The following PLEKHH2 variants were observed in gnomAD, a reference collection of about 807,000 sequenced individuals.
The protein encoded by PLEKHH2 is pleckstrin homology domain-containing family H member 2.
Under a neutral mutation model 187.9 loss-of-function variants are expected in PLEKHH2, and 129 were observed. The observed-to-expected ratio is 0.69, with a 90% confidence interval of 0.59 to 0.79. PLEKHH2 has a LOEUF of 0.79. Among genes scored for constraint, PLEKHH2 ranks in the 30% least tolerant of loss-of-function variants. PLEKHH2 has a pLI of 0.00. For synonymous variants in PLEKHH2, 686 were observed against 605.6 expected (o/e 1.13, Z -1.95); for missense variants, 2,076 against 1,751.2 (o/e 1.19, Z -3.31).
intron 28 of PLEKHH2, among the ~76,000 whole-genome samples, chr2:43,762,755 C>T (rs1257194869): frequency 2.0e-5 from 3 of 152,152 alleles, no homozygotes; most frequent in Non-Finnish European, 4.4e-5. Flanking sequence ...AGTTTAAGTT[C>T]ACTTTCACTA....
At position 43,683,225 on chromosome 2, in the gene PLEKHH2, A is replaced by G. The variant is rs1270665876; in HGVS notation, c.186+4300A>G. On this transcript the variant is annotated intron_variant, in intron 3 of 29. Transcript: ENST00000282406. ...CAATGGCACGATCTTGGCTCACCAC[A>G]ACCTCCGCCTCCCACGTTCAAGCCA... Among the ~76,000 whole-genome samples, 7 of 140,324 alleles carry G rather than the reference A, an allele frequency of 5.0e-5. No homozygotes were observed. The East Asian group carries it at 6.1e-4, about 12-fold the overall frequency. 92.1% of individuals were successfully genotyped at this position (140,324 alleles called of 152,430 possible). A position where few individuals can be genotyped will look rare whatever the true frequency, so the allele number is the denominator to read the frequency against.
intron 6 of PLEKHH2, among the ~76,000 whole-genome samples, chr2:43,695,537 C>G (rs4952997): frequency 0.25 from 38,540 of 152,074 alleles, 5,312 homozygotes; most frequent in Middle Eastern, 0.37. Context: ...TTTTTAGAAC[C>G]AAACTAAGTT....
chr2:43,660,454 T>G (rs1574493195), intron 2 of PLEKHH2, among the ~76,000 whole-genome samples: 3 of 144,604 alleles, frequency 2.1e-5, no homozygotes, highest in South Asian at 2.1e-4. Context: ...TTTTTTTTTT[T>G]GCCAATTAAG....
intron 2 of PLEKHH2, among the ~76,000 whole-genome samples, chr2:43,651,074 A>G (rs1458958540): frequency 6.6e-6 from 1 of 152,314 alleles, no homozygotes; most frequent in African/African-American, 2.4e-5. Context: ...TGTAATATAG[A>G]TTGTGAAAAT....
chr2:43,739,407 T>C (rs767372735), intron 20 of PLEKHH2, among the ~76,000 whole-genome samples: 12 of 152,190 alleles, frequency 7.9e-5, no homozygotes, highest in Non-Finnish European at 1.6e-4. Flanking sequence ...GAACACCTGT[T>C]TTTATCTTTG....
chr2:43,752,903 G>T (rs988168646), intron 24 of PLEKHH2, among the ~76,000 whole-genome samples: 1 of 152,140 alleles, frequency 6.6e-6, no homozygotes, highest in East Asian at 1.9e-4. Flanking sequence ...AGCCCCTAAA[G>T]CTGCTTATCA....
intron 1 of PLEKHH2, among the ~76,000 whole-genome samples, chr2:43,640,854 G>A (rs1285058180): frequency 1.3e-5 from 2 of 151,694 alleles, no homozygotes; most frequent in East Asian, 1.9e-4. Flanking sequence ...GTGTGAACAT[G>A]GTTCACTGCA....
chr2:43,743,765 C>A (rs1259798685), intron 22 of PLEKHH2, 69 bp from the exon 23 acceptor site: 2 of 1,405,686 alleles, frequency 1.4e-6, no homozygotes, highest in Admixed American at 3.9e-5. Context: ...TGCTCTGTTT[C>A]ATCCTTAAAA....
Position 43,710,235 on chromosome 2 carries a change from T to G in PLEKHH2, c.2119T>G (p.Ser707Ala). ...TAAAAATTAGGAACCACTGGAAAAA[T>G]CTGGTTATTTATTAAAAATGAGTGG... ...DNGKNEPLEK[S>A]GYLLKMSGKV... The change falls in exon 13 of 30, where the codon TCT becomes GCT. Residue 707 changes from serine (S) to alanine (A), a missense_variant. Coordinates refer to ENST00000282406, the MANE Select transcript of PLEKHH2 (RefSeq NM_172069.4). 1 of 1,613,994 alleles carries G rather than the reference T, an allele frequency of 6.2e-7. No individual in the cohort carries two copies. Among genetic ancestry groups the G allele is most frequent in the Non-Finnish European group, 8.5e-7 (1 of 1,179,952 alleles).
intron 9 of PLEKHH2, among the ~76,000 whole-genome samples, chr2:43,705,149 A>C (rs1382722029): frequency 6.8e-6 from 1 of 146,330 alleles, no homozygotes; most frequent in African/African-American, 2.6e-5. Flanking sequence ...TCTTTCTACC[A>C]CCTCCTCCCT....
intron 19 of PLEKHH2, among the ~76,000 whole-genome samples, chr2:43,733,038 G>A (rs1256629102): frequency 1.3e-5 from 2 of 152,128 alleles, no homozygotes; most frequent in African/African-American, 4.8e-5. Flanking sequence ...GAAAATTAGA[G>A]GACATCAGAC....
intron 2 of PLEKHH2, among the ~76,000 whole-genome samples, chr2:43,649,799 G>A (rs536766664): frequency 3.3e-5 from 5 of 152,318 alleles, no homozygotes; most frequent in Admixed American, 6.5e-5. Context: ...TGGGGGAAAA[G>A]TCAGGAAGAG....
intron 2 of PLEKHH2, among the ~76,000 whole-genome samples, chr2:43,655,742 T>C (rs1490923758): frequency 3.3e-5 from 5 of 152,182 alleles, no homozygotes; most frequent in African/African-American, 1.2e-4. Flanking sequence ...AGGATGATTA[T>C]TACAACTGAA....
chr2:43,649,982 A>G (rs545648979), intron 2 of PLEKHH2, among the ~76,000 whole-genome samples: 10 of 152,236 alleles, frequency 6.6e-5, no homozygotes, highest in African/African-American at 2.4e-4. Flanking sequence ...ACTTGCTGCT[A>G]AGTTCACTTT....
rs1053376146 is a variant in PLEKHH2 at position 43,745,732 on chromosome 2, G to A, written c.3556-134G>A. On this transcript the variant is annotated intron_variant, in intron 23 of 29. Coordinates refer to ENST00000282406, the MANE Select transcript of PLEKHH2 (RefSeq NM_172069.4). ...CATACTAAACTCAGAGCCGCACAGAGGCTGAAAACAAAAAGCTTGAGTATA... is the reference window on the plus strand; with the variant it reads ...CATACTAAACTCAGAGCCGCACAGAAGCTGAAAACAAAAAGCTTGAGTATA... 10 of 601,262 alleles carry A rather than the reference G, an allele frequency of 1.7e-5. No homozygotes were observed. In the African/African-American group the frequency reaches 1.7e-4, roughly 10 times the overall value. 37.2% of individuals were successfully genotyped at this position (601,262 alleles called of 1,614,324 possible).
At chr2:43,684,384 A>G (rs2104444096) in intron 3 of PLEKHH2, among the ~76,000 whole-genome samples, 1 of 152,128 alleles carries the variant, frequency 6.6e-6, no homozygotes, top group South Asian at 2.1e-4. Flanking sequence ...AACTGCCCAT[A>G]TTATGGGAAA....
At chr2:43,758,844 C>A (rs1041248613) in intron 26 of PLEKHH2, 56 bp from the exon 27 acceptor site, 38 of 1,427,796 alleles carry the variant, frequency 2.7e-5, no homozygotes, top group Non-Finnish European at 3.2e-5. Flanking sequence ...GACTATGACA[C>A]ACTGTTTATG....
chr2:43,700,651 T>C (rs1669318402), intron 8 of PLEKHH2, 43 bp downstream of exon 8: 2 of 1,547,094 alleles, frequency 1.3e-6, no homozygotes, highest in Non-Finnish European at 1.7e-6. Flanking sequence ...GTAGTTTTTT[T>C]CTCAACACTT....
rs1266865445 is a variant in PLEKHH2 at position 43,692,638 on chromosome 2, A to C, written c.311A>C (p.Asn104Thr). Reference sequence around the variant, plus strand: ...CAGGAAAAAGATGACGTCATTCAAAACTTGGAATTGCAACTTGAAGAGCAG... The same window carrying C: ...CAGGAAAAAGATGACGTCATTCAAACCTTGGAATTGCAACTTGAAGAGCAG... ...LIQEKDDVIQNLELQLEEQKQ... is the reference protein window; with the variant it reads ...LIQEKDDVIQTLELQLEEQKQ... The change falls in exon 4 of 30, where the codon AAC (asparagine) becomes ACC (threonine). Residue 104 changes from asparagine to threonine, a missense_variant. Coordinates refer to ENST00000282406, the MANE Select transcript of PLEKHH2 (RefSeq NM_172069.4). 1.7e-5 allele frequency: 27 copies of C among 1,613,372 alleles called. No individual in the cohort carries two copies. The highest frequency in any genetic ancestry group is 2.2e-5 in the Non-Finnish European group (26 of 1,179,770).
Sources: allele counts gnomAD v4.1 joint callset (sites outside exome capture counted in the v4.1 genomes callset), GRCh38; gene constraint gnomAD v4.1.1; transcripts MANE v1.5; gene names NCBI Gene and HGNC (gene_info 2026-07-23, HGNC 2026-07-21).